The following RBFOX1 variants were observed in gnomAD, a reference collection of about 807,000 sequenced individuals.
RBFOX1 encodes the protein RNA binding fox-1 homolog 1.
A neutral mutation model predicts 57.7 loss-of-function variants in RBFOX1; 8 were observed. The ratio of observed to expected loss-of-function variants is 0.14; its 90% confidence interval spans 0.08 to 0.25. RBFOX1 has a LOEUF of 0.25. Among genes scored for constraint, RBFOX1 ranks in the 10% least tolerant of loss-of-function variants. RBFOX1 has a pLI of 1.00. For synonymous variants in RBFOX1, 326 were observed against 222.4 expected (o/e 1.47, Z -4.15); for missense variants, 611 against 548.5 (o/e 1.11, Z -1.14).
intron 2 of RBFOX1, among the ~76,000 whole-genome samples, chr16:6,422,502 T>C (rs574158141): frequency 4.1e-4 from 63 of 152,206 alleles, no homozygotes; most frequent in African/African-American, 1.5e-3. Context: ...AAGAAATGCC[T>C]GAGACTGGGT....
At chr16:6,950,561 G>T (rs778696981) in intron 3 of RBFOX1, among the ~76,000 whole-genome samples, 1 of 152,212 alleles carries the variant, frequency 6.6e-6, no homozygotes, top group East Asian at 1.9e-4. Context: ...AAATGAATGT[G>T]TGTTAGGAGA....
intron 3 of RBFOX1, among the ~76,000 whole-genome samples, chr16:6,790,400 G>C (rs144040377): frequency 1.3e-5 from 2 of 151,988 alleles, no homozygotes; most frequent in Admixed American, 1.3e-4. Context: ...TGCCTGGCTG[G>C]TCTTGAACTC....
intron 3 of RBFOX1, among the ~76,000 whole-genome samples, chr16:6,994,557 C>G (rs1048932515): frequency 6.6e-6 from 1 of 152,114 alleles, no homozygotes; most frequent in Non-Finnish European, 1.5e-5. Flanking sequence ...AAGCCAAAAC[C>G]TAGCTAAAAT....
chr16:6,791,382 GGCTGTCTAATAGGT>G (rs2082909242), intron 3 of RBFOX1, among the ~76,000 whole-genome samples: 1 of 152,158 alleles, frequency 6.6e-6, no homozygotes, highest in Non-Finnish European at 1.5e-5. Flanking sequence ...AGGCAGGACT[GGCTGTCTAATAGGT>G]GCAGCCCTGT....
intron 4 of RBFOX1, among the ~76,000 whole-genome samples, chr16:7,425,980 T>C (rs2098606778): frequency 6.6e-6 from 1 of 152,242 alleles, no homozygotes; most frequent in Non-Finnish European, 1.5e-5. Flanking sequence ...ATCAATTGTT[T>C]ATACACATTG....
intron 2 of RBFOX1, among the ~76,000 whole-genome samples, chr16:6,428,428 G>A (rs985445137): frequency 6.6e-6 from 1 of 151,934 alleles, no homozygotes; most frequent in African/African-American, 2.4e-5. Flanking sequence ...CAAAACTAAT[G>A]TATGTGTATG....
chr16:7,165,643 G>A (rs1176886209), intron 4 of RBFOX1, among the ~76,000 whole-genome samples: 1 of 151,628 alleles, frequency 6.6e-6, no homozygotes, highest in African/African-American at 2.4e-5. Flanking sequence ...TGGTCAGGCT[G>A]GTCTCAAACT....
At chr16:6,386,795 C>A (rs553591246) in intron 2 of RBFOX1, among the ~76,000 whole-genome samples, 6 of 151,932 alleles carry the variant, frequency 3.9e-5, no homozygotes, top group African/African-American at 1.5e-4. Flanking sequence ...ACTATTTCAG[C>A]AGAAATATAA....
chr16:5,807,383 G>T lies in RBFOX1; in HGVS notation c.319-59920G>T, dbSNP rs558198129. Among the ~76,000 whole-genome samples the T allele has an allele frequency of 3.3e-5, 5 of 152,252 alleles. No homozygotes were observed. In the South Asian group the frequency reaches 1.0e-3, roughly 32 times the overall value. On this transcript the variant is annotated intron_variant, in intron 3 of 19. Transcript: ENST00000641259. ...GGATGCCACAGGGCCAGGACTCCCT[G>T]TGAGCTGGGTCCCTGCCAGGTCATC... is the stretch of plus-strand genomic sequence containing the variant.
intron 3 of RBFOX1, among the ~76,000 whole-genome samples, chr16:7,005,295 A>G (rs1273596993): frequency 6.6e-6 from 1 of 152,174 alleles, no homozygotes; most frequent in Non-Finnish European, 1.5e-5. Context: ...CCTCCATTCC[A>G]GTCATCTTCC....
At chr16:6,840,887 C>CAAAAAA (rs1165695098) in intron 3 of RBFOX1, among the ~76,000 whole-genome samples, 5 of 45,774 alleles carry the variant, frequency 1.1e-4, no homozygotes, top group African/African-American at 4.1e-4. Flanking sequence ...GACTCTGTCT[C>CAAAAAA]AAAAAAAAAA....
intron 4 of RBFOX1, among the ~76,000 whole-genome samples, chr16:6,009,658 C>CA (rs2094948451): frequency 6.6e-6 from 1 of 152,126 alleles, no homozygotes; most frequent in South Asian, 2.1e-4. Flanking sequence ...TATCCATGCA[C>CA]AAAGCCCTCA....
At chr16:7,253,955 C>T (rs968153918) in intron 4 of RBFOX1, among the ~76,000 whole-genome samples, 2 of 152,148 alleles carry the variant, frequency 1.3e-5, no homozygotes, top group African/African-American at 4.8e-5. Context: ...GGGACTATTA[C>T]AGTGTGAGAC....
At chr16:6,722,867 A>G (rs1433023174) in intron 3 of RBFOX1, among the ~76,000 whole-genome samples, 1 of 152,182 alleles carries the variant, frequency 6.6e-6, no homozygotes, top group East Asian at 1.9e-4. Context: ...GCTTTGGCAC[A>G]CTGACATCTG....
intron 4 of RBFOX1, among the ~76,000 whole-genome samples, chr16:5,935,195 T>C (rs780049027): frequency 5.3e-5 from 8 of 152,164 alleles, no homozygotes; most frequent in Non-Finnish European, 7.4e-5. Flanking sequence ...ACCAATCCCC[T>C]ACAATCTAAA....
At chr16:5,930,844 T>G (rs1192437131) in intron 4 of RBFOX1, among the ~76,000 whole-genome samples, 5 of 105,794 alleles carry the variant, frequency 4.7e-5, no homozygotes, top group Non-Finnish European at 9.6e-5. Context: ...ATGGATGGAT[T>G]CACCGATGGA....
intron 1 of RBFOX1, among the ~76,000 whole-genome samples, chr16:5,337,706 G>A (rs184764784): frequency 1.3e-5 from 2 of 152,340 alleles, no homozygotes; most frequent in East Asian, 1.9e-4. Flanking sequence ...CCTCATTCAA[G>A]CTCCTGAGCT....
intron 2 of RBFOX1, among the ~76,000 whole-genome samples, chr16:6,555,182 C>G (rs1170710340): frequency 6.6e-6 from 1 of 152,138 alleles, no homozygotes; most frequent in Non-Finnish European, 1.5e-5. Context: ...CTTTTAAAAT[C>G]AGGAGTCCTA....
At chr16:6,552,916 T>C (rs1259748812) in intron 2 of RBFOX1, among the ~76,000 whole-genome samples, 1 of 152,166 alleles carries the variant, frequency 6.6e-6, no homozygotes, top group Admixed American at 6.5e-5. Flanking sequence ...TTAGATTACA[T>C]AGATTTCTGG....
Sources: allele counts gnomAD v4.1 joint callset (sites outside exome capture counted in the v4.1 genomes callset), GRCh38; gene constraint gnomAD v4.1.1; transcripts MANE v1.5; gene names NCBI Gene and HGNC (gene_info 2026-07-23, HGNC 2026-07-21).